Variants in EFCAB6 observed in about 807,000 individuals in gnomAD.
The protein encoded by EFCAB6 is EF-hand calcium-binding domain-containing protein 6.
Under a neutral mutation model 169.8 loss-of-function variants are expected in EFCAB6, and 156 were observed. That is an observed-to-expected ratio of 0.92 (90% CI 0.81 to 1.05). EFCAB6 has a LOEUF of 1.05. Among genes scored for constraint, EFCAB6 ranks in the 50% least tolerant of loss-of-function variants. EFCAB6 has a pLI of 0.00. For synonymous variants in EFCAB6, 698 were observed against 676.4 expected (o/e 1.03, Z -0.50); for missense variants, 1,800 against 1,829.1 (o/e 0.98, Z 0.29).
intron 18 of EFCAB6, 147 bp from the exon 19 acceptor site, chr22:43,632,385 C>A: frequency 8.4e-7 from 1 of 1,186,586 alleles, no homozygotes. Context: ...CTGCAACCTC[C>A]ACCTCCTGGG....
chr22:43,792,722 G>A (rs968195381), intron 2 of EFCAB6, among the ~76,000 whole-genome samples: 2 of 152,172 alleles, frequency 1.3e-5, no homozygotes, highest in Admixed American at 6.5e-5. Flanking sequence ...ACATGACTGC[G>A]GTGCCCCAAG....
chr22:43,808,540 C>G (rs1333021829), intron 2 of EFCAB6, among the ~76,000 whole-genome samples: 1 of 151,772 alleles, frequency 6.6e-6, no homozygotes, highest in Non-Finnish European at 1.5e-5. Flanking sequence ...AGATGGATCA[C>G]AGGTGATATT....
intron 27 of EFCAB6, among the ~76,000 whole-genome samples, chr22:43,541,511 G>A (rs532512064): frequency 1.3e-5 from 2 of 152,312 alleles, no homozygotes; most frequent in Non-Finnish European, 2.9e-5. Context: ...ACCAGGAGGT[G>A]GGCATGGGCA....
At chr22:43,725,681 A>T (rs976184550) in intron 8 of EFCAB6, among the ~76,000 whole-genome samples, 1 of 152,176 alleles carries the variant, frequency 6.6e-6, no homozygotes, top group African/African-American at 2.4e-5. Flanking sequence ...AACTGGTAGG[A>T]TGGCAGCGGG....
chr22:43,720,748 T>C (rs549011705), intron 8 of EFCAB6, among the ~76,000 whole-genome samples: 2 of 151,986 alleles, frequency 1.3e-5, no homozygotes, highest in African/African-American at 4.8e-5. Context: ...AAAGATCCTA[T>C]CTTTTGGATA....
intron 22 of EFCAB6, among the ~76,000 whole-genome samples, chr22:43,606,840 G>A (rs985849446): frequency 6.6e-6 from 1 of 152,174 alleles, no homozygotes; most frequent in Non-Finnish European, 1.5e-5. Flanking sequence ...AATTGAAATG[G>A]AAACAAGTTC....
chr22:43,802,545 AT>A, intron 2 of EFCAB6: 1 of 342,048 alleles, frequency 2.9e-6, no homozygotes, highest in Non-Finnish European at 5.6e-6. Context: ...AAAAAAAAAG[AT>A]AAAACCAAGA....
Position 43,647,466 on chromosome 22 carries a change from T to G in EFCAB6, c.1984-12250A>C, listed in dbSNP as rs928418195. Among the ~76,000 whole-genome samples, 3 of 152,314 alleles carry G rather than the reference T, an allele frequency of 2.0e-5. No homozygotes were observed. The East Asian group carries it at 5.8e-4, about 29-fold the overall frequency. ...TTCTATCCAGGAACTGGGAATACAATAGTGAACAAAACAGCCAAGTCCCAG... is the reference window on the plus strand; with the variant it reads ...TTCTATCCAGGAACTGGGAATACAAGAGTGAACAAAACAGCCAAGTCCCAG... On this transcript the variant is annotated intron_variant, in intron 17 of 31. Transcript: ENST00000262726.
intron 1 of EFCAB6, among the ~76,000 whole-genome samples, chr22:43,810,310 GA>G (rs2063069683): frequency 6.6e-6 from 1 of 152,300 alleles, no homozygotes; most frequent in African/African-American, 2.4e-5. Context: ...AGTAGAAATA[GA>G]AGTAGTAAAA....
chr22:43,618,169 A>AAG (rs1277847574), intron 20 of EFCAB6, among the ~76,000 whole-genome samples: 338 of 30,380 alleles, frequency 0.011, 6 homozygotes, highest in East Asian at 0.038. Flanking sequence ...AAGGAAGGAA[A>AAG]GAAAGAAAGA....
chr22:43,705,905 C>T (rs2058940418), intron 10 of EFCAB6, among the ~76,000 whole-genome samples: 1 of 151,880 alleles, frequency 6.6e-6, no homozygotes. Flanking sequence ...AAATAAGATA[C>T]ATAGAGACTA....
intron 26 of EFCAB6, among the ~76,000 whole-genome samples, chr22:43,568,930 G>A (rs1602317645): frequency 6.6e-6 from 1 of 152,204 alleles, no homozygotes; most frequent in Non-Finnish European, 1.5e-5. Context: ...TTCTCCAGTG[G>A]GGAAGGGGGC....
In EFCAB6 at chr22:43,772,922, T is replaced by C; in HGVS notation, c.321A>G (p.Thr107=). 1 of 1,614,228 alleles carries C rather than the reference T, an allele frequency of 6.2e-7. No individual in the cohort carries two copies. Among genetic ancestry groups the C allele is most frequent in the Middle Eastern group, 1.7e-4 (1 of 6,060 alleles). ...CCAACACGTCCTGAAACTGTTCTCG[T>C]GTGAGCGGCATCAGGAAGTCTGTGA... is the stretch of plus-strand genomic sequence containing the variant. ...RIITDFLMPL[T]REQFQDVLAQ... The change falls in exon 4 of 32, where the codon ACA becomes ACG. Residue 107 remains threonine, a synonymous_variant. Transcript: ENST00000262726.
rs1569276033 is a variant in EFCAB6 at position 43,628,120 on chromosome 22, G to C, written c.2233-1441C>G. ...ACAGCCTCACATCTCCAGTGGTCTG[G>C]GGGCATTTTCTCTGGGATGTCAAAC... On this transcript the variant is annotated intron_variant, in intron 19 of 31. Transcript: ENST00000262726. This position sits in a 1 kb window ranked among gnomAD's most constrained non-coding sequence, Gnocchi z 4.8. 6.6e-6 allele frequency among the ~76,000 whole-genome samples: 1 copy of C among 151,904 alleles called. No homozygotes were observed. Among genetic ancestry groups the C allele is most frequent in the Non-Finnish European group, 1.5e-5 (1 of 67,980 alleles).
chr22:43,532,303 G>C (rs1447149659), intron 30 of EFCAB6, among the ~76,000 whole-genome samples: 1 of 152,268 alleles, frequency 6.6e-6, no homozygotes, highest in Admixed American at 6.5e-5. Flanking sequence ...TGGAAGCTGG[G>C]AACTGGGGTG....
chr22:43,613,848 C>T (rs1184496646), intron 21 of EFCAB6, among the ~76,000 whole-genome samples: 2 of 151,970 alleles, frequency 1.3e-5, no homozygotes, highest in Non-Finnish European at 2.9e-5. Context: ...AAATATTAGC[C>T]AGGAATGGTG....
At chr22:43,702,597 C>T (rs1234819536) in intron 10 of EFCAB6, among the ~76,000 whole-genome samples, 1 of 152,102 alleles carries the variant, frequency 6.6e-6, no homozygotes, top group Admixed American at 6.5e-5. Flanking sequence ...AAGATGCTTC[C>T]CAGGAAGCCC....
intron 23 of EFCAB6, among the ~76,000 whole-genome samples, chr22:43,596,063 C>T (rs2051978159): frequency 6.6e-6 from 1 of 152,044 alleles, no homozygotes; most frequent in African/African-American, 2.4e-5. Flanking sequence ...TTGATAAAAA[C>T]TCTCCTCACA....
chr22:43,738,125 T>TAC (rs2060227184), intron 6 of EFCAB6, among the ~76,000 whole-genome samples: 1 of 124,750 alleles, frequency 8.0e-6, no homozygotes. Flanking sequence ...CATATATTCA[T>TAC]ACACACACCT....
Sources: gnomAD v4.1 joint callset for allele counts (sites outside exome capture counted in the v4.1 genomes callset) on GRCh38, gnomAD v4.1.1 for gene constraint, Gnocchi (gnomAD v3.1) non-coding constraint, MANE v1.5 for transcripts, NCBI Gene and HGNC (gene_info 2026-07-23, HGNC 2026-07-21) for gene names.